The following ACSM2B variants were observed in gnomAD, a reference collection of about 807,000 sequenced individuals.
ACSM2B encodes acyl-CoA synthetase medium chain family member 2B, also known as acyl-coenzyme A synthetase ACSM2B, mitochondrial.
ACSM2B carries 58 observed loss-of-function variants against 78.6 expected under a neutral mutation model. That is an observed-to-expected ratio of 0.74 (90% CI 0.60 to 0.92). The LOEUF (loss-of-function observed/expected upper bound fraction) is 0.92, where lower values mean the gene tolerates loss of function less well. Ranked by LOEUF, ACSM2B falls within the 40% of genes least tolerant of loss-of-function variation. The pLI, the probability that ACSM2B is intolerant of heterozygous loss-of-function variation, is 0.00. For missense variants in ACSM2B, 688 were observed against 711.2 expected, an observed-to-expected ratio of 0.97 and a Z score of 0.37; for synonymous variants, 257 against 256.8, an observed-to-expected ratio of 1.00 and a Z score of -0.01.
intron 10 of ACSM2B, chr16:20,544,576 A>G: frequency 3.0e-6 from 3 of 985,192 alleles, no homozygotes; most frequent in South Asian, 4.7e-5. Context: ...TATCTCAGGG[A>G]TCAGAAGGCA....
intron 2 of ACSM2B, among the ~76,000 whole-genome samples, chr16:20,559,931 T>C (rs1450017146): frequency 2.6e-5 from 4 of 151,112 alleles, no homozygotes; most frequent in African/African-American, 7.4e-5. Flanking sequence ...TTGAAAGAAT[T>C]AGAATAAAAA....
intron 1 of ACSM2B, among the ~76,000 whole-genome samples, chr16:20,565,847 C>G (rs1379803421): frequency 6.6e-6 from 1 of 151,886 alleles, no homozygotes; most frequent in African/African-American, 2.4e-5. Flanking sequence ...CCTCAAAGTT[C>G]ATTGTGTCAT....
In ACSM2B at chr16:20,552,408, T is replaced by C. The variant is rs1770884998; in HGVS notation, c.741-111A>G. On this transcript the variant is annotated intron_variant, in intron 5 of 13. Coordinates refer to ENST00000329697, the MANE Select transcript of ACSM2B (RefSeq NM_001105069.2). ...AGGTGTGTGTGCAGAGGTGTGCGTG[T>C]ATCTGCCTGCAGGTTTATAGGCATA... 2.1e-6 allele frequency: 3 copies of C among 1,437,782 alleles called. No homozygotes were observed. In the East Asian group the frequency reaches 7.1e-5, roughly 34 times the overall value. The allele number at this position is 1,437,782 out of a possible 1,614,324, so 89.1% of individuals were successfully genotyped here.
chr16:20,537,336 C>T lies in ACSM2B; in HGVS notation c.1656G>A (p.Lys552=). The T allele has an allele frequency of 6.2e-7, 1 of 1,614,024 alleles. No individual in the cohort carries two copies. The highest frequency in any genetic ancestry group is 8.5e-7 in the Non-Finnish European group (1 of 1,179,912). Residue 552 remains lysine, a synonymous_variant, in exon 14 of 14, where the codon AAG becomes AAA. Coordinates refer to ENST00000329697, the MANE Select transcript of ACSM2B (RefSeq NM_001105069.2). ...RKIEFVLNLP[K]TVTGKIQRTK... ...TTCGTTGAATTTTCCCTGTGACAGT[C>T]TTGGGCAGGTTCAAGACAAACTCTA...
chr16:20,568,877 T>A (rs549793985), intron 1 of ACSM2B, among the ~76,000 whole-genome samples: 1 of 152,064 alleles, frequency 6.6e-6, no homozygotes, highest in Non-Finnish European at 1.5e-5. Flanking sequence ...TGTCTATTCG[T>A]ATCCTTAGCC....
Position 20,536,964 on chromosome 16 carries a change from C to T in ACSM2B, c.*294G>A, listed in dbSNP as rs1249093875. 2.0e-5 allele frequency: 5 copies of T among 253,930 alleles called. No individual in the cohort carries two copies. In the East Asian group the frequency reaches 2.2e-4, roughly 11 times the overall value. The allele number at this position is 253,930 out of a possible 1,614,324, so 15.7% of individuals were successfully genotyped here. ...CCTTCCCTTGCTTCCTCTCGCCTTC[C>T]CTCCCTACTTTATTTCTTTTTCAAT... On this transcript the variant is annotated 3_prime_UTR_variant, in exon 14 of 14. Coordinates refer to ENST00000329697, the MANE Select transcript of ACSM2B (RefSeq NM_001105069.2).
At chr16:20,563,584 T>C (rs1242336388) in intron 2 of ACSM2B, among the ~76,000 whole-genome samples, 1 of 150,886 alleles carries the variant, frequency 6.6e-6, no homozygotes, top group Non-Finnish European at 1.5e-5. Flanking sequence ...TTAAAGGAAG[T>C]ATAACTTTAA....
chr16:20,566,669 GTA>G (rs1220682934), intron 1 of ACSM2B, among the ~76,000 whole-genome samples: 1 of 28,284 alleles, frequency 3.5e-5, no homozygotes, highest in Non-Finnish European at 4.8e-5. Flanking sequence ...TGTATATATA[GTA>G]TATACATATA....
At chr16:20,571,353 T>G (rs974261144) in intron 1 of ACSM2B, among the ~76,000 whole-genome samples, 4 of 152,020 alleles carry the variant, frequency 2.6e-5, no homozygotes, top group African/African-American at 9.7e-5. Context: ...AACAGGTTAT[T>G]TAATTTCCAT....
intron 9 of ACSM2B, among the ~76,000 whole-genome samples, chr16:20,546,097 T>C (rs1413460503): frequency 1.3e-5 from 2 of 152,214 alleles, no homozygotes; most frequent in African/African-American, 4.8e-5. Flanking sequence ...CAAAATATTA[T>C]GTCAAGATTC....
At chr16:20,546,661 A>G (rs2015151798) in intron 8 of ACSM2B, 187 bp from the exon 9 acceptor site, 1 of 1,137,320 alleles carries the variant, frequency 8.8e-7, no homozygotes, top group Non-Finnish European at 1.2e-6. Flanking sequence ...GGCCTCACTA[A>G]ATTGTTTGTT....
chr16:20,549,220 A>G (rs1477774634), intron 6 of ACSM2B, among the ~76,000 whole-genome samples: 2 of 152,154 alleles, frequency 1.3e-5, no homozygotes, highest in Admixed American at 1.3e-4. Flanking sequence ...TTTATGCAGA[A>G]TGTAATAGAG....
chr16:20,552,654 A>G (rs577553644), intron 5 of ACSM2B, among the ~76,000 whole-genome samples: 4 of 152,352 alleles, frequency 2.6e-5, no homozygotes, highest in South Asian at 4.1e-4. Flanking sequence ...CATGGCAAAT[A>G]TTCTAACAGA....
intron 13 of ACSM2B, among the ~76,000 whole-genome samples, chr16:20,538,771 G>A (rs1212564525): frequency 1.3e-5 from 2 of 152,164 alleles, no homozygotes; most frequent in Non-Finnish European, 2.9e-5. Flanking sequence ...TAAGGAAACT[G>A]AGGAACGCAG....
chr16:20,540,210 GTTGT>G (rs2014945832), intron 13 of ACSM2B, among the ~76,000 whole-genome samples: 3 of 103,234 alleles, frequency 2.9e-5, no homozygotes, highest in African/African-American at 9.8e-5. Flanking sequence ...CATAGGAAGA[GTTGT>G]TTTTTTTTTG....
chr16:20,545,253 T>G lies in ACSM2B; in HGVS notation c.1185A>C (p.Ile395=). The G allele has an allele frequency of 6.2e-7, 1 of 1,613,146 alleles. No individual in the cohort carries two copies. Among genetic ancestry groups the G allele is most frequent in the South Asian group, 1.1e-5 (1 of 90,884 alleles). Residue 395 remains isoleucine, a synonymous_variant, in exon 10 of 14, where the codon ATA becomes ATC. Transcript: ENST00000329697. ...GGGGCAGGACGTTGCCCTTATCATCTATAACCTGGAGAAAGAAGCATATTG... is the reference window on the plus strand; with the variant it reads ...GGGGCAGGACGTTGCCCTTATCATCGATAACCTGGAGAAAGAAGCATATTG... ...TAASCYDVQV[I]DDKGNVLPPG...
chr16:20,544,721 A>G (rs1232673960), intron 10 of ACSM2B: 1 of 985,708 alleles, frequency 1.0e-6, no homozygotes, highest in African/African-American at 1.8e-5. Flanking sequence ...CCTTCCCAAG[A>G]TCTGAAGATA....
chr16:20,550,962 G>A (rs1050096357), intron 6 of ACSM2B, among the ~76,000 whole-genome samples: 3 of 152,070 alleles, frequency 2.0e-5, no homozygotes, highest in African/African-American at 7.2e-5. Context: ...CAATAGGATG[G>A]GGGAACATTT....
At chr16:20,565,806 C>A (rs2015808273) in intron 1 of ACSM2B, among the ~76,000 whole-genome samples, 3 of 151,974 alleles carry the variant, frequency 2.0e-5, no homozygotes, top group African/African-American at 7.2e-5. Context: ...CCCTTTTATT[C>A]CTCACCTCCT....
Sources: gnomAD v4.1 joint callset for allele counts (sites outside exome capture counted in the v4.1 genomes callset) on GRCh38, gnomAD v4.1.1 for gene constraint, MANE v1.5 for transcripts, NCBI Gene and HGNC (gene_info 2026-07-23, HGNC 2026-07-21) for gene names.